Variants in PRKCB observed in about 807,000 individuals in gnomAD.
PRKCB encodes the protein protein kinase C beta, also known as protein kinase C beta type.
A neutral mutation model predicts 81.5 loss-of-function variants in PRKCB; 13 were observed. The ratio of observed to expected loss-of-function variants is 0.16; its 90% CI spans 0.10 to 0.25. The LOEUF (loss-of-function observed/expected upper bound fraction) is 0.25, where lower values mean the gene tolerates loss of function less well. PRKCB is among the 10% of genes least tolerant of loss of function. The pLI, the probability that PRKCB is intolerant of heterozygous loss-of-function variation, is 1.00. For missense variants in PRKCB, 509 were observed against 875.7 expected, an observed-to-expected ratio of 0.58 and a Z score of 5.29; for synonymous variants, 335 against 321.4, an observed-to-expected ratio of 1.04 and a Z score of -0.45.
intron 15 of PRKCB, 53 bp downstream of exon 15, chr16:24,185,620 G>A: frequency 6.9e-7 from 1 of 1,458,980 alleles, no homozygotes; most frequent in Non-Finnish European, 9.6e-7. Flanking sequence ...AGGCATGTGG[G>A]CTGTACCTTG....
At chr16:24,100,496 C>T (rs778417771) in intron 7 of PRKCB, among the ~76,000 whole-genome samples, 1 of 152,164 alleles carries the variant, frequency 6.6e-6, no homozygotes, top group Admixed American at 6.5e-5. Flanking sequence ...AGGCCAGGAA[C>T]CTGCCTGAGT....
At chr16:24,028,447 C>T (rs1411073598) in intron 3 of PRKCB, among the ~76,000 whole-genome samples, 1 of 152,222 alleles carries the variant, frequency 6.6e-6, no homozygotes, top group Non-Finnish European at 1.5e-5. Flanking sequence ...ATAGACCACT[C>T]CAATATCCAA....
In PRKCB at chr16:23,932,212, A is replaced by G. The variant is rs958313111; in HGVS notation, c.206-56296A>G. On this transcript the variant is annotated intron_variant, in intron 2 of 16. Coordinates refer to ENST00000643927, the MANE Select transcript of PRKCB (RefSeq NM_002738.7). Reference sequence around the variant, plus strand: ...CTCATTTGGAAATAAATTCAAACAAATCATCCATAAAGAAAACATTGTGAG... The same window carrying G: ...CTCATTTGGAAATAAATTCAAACAAGTCATCCATAAAGAAAACATTGTGAG... Among the ~76,000 whole-genome samples the G allele has an allele frequency of 5.3e-5, 8 of 152,354 alleles. 1 individual carries two copies. The South Asian group carries it at 1.7e-3, about 32-fold the overall frequency.
chr16:23,953,111 C>T (rs531017105), intron 2 of PRKCB, among the ~76,000 whole-genome samples: 65 of 152,248 alleles, frequency 4.3e-4, no homozygotes, highest in African/African-American at 1.5e-3. Flanking sequence ...CCCTGTTTTA[C>T]GGAGACACAG....
chr16:23,891,994 A>G (rs1367754530), intron 2 of PRKCB, among the ~76,000 whole-genome samples: 1 of 152,128 alleles, frequency 6.6e-6, no homozygotes, highest in Non-Finnish European at 1.5e-5. Flanking sequence ...CCCCCTGCCC[A>G]CACCCTCCTA....
chr16:24,080,669 G>A (rs1016340343), intron 5 of PRKCB, among the ~76,000 whole-genome samples: 3 of 152,112 alleles, frequency 2.0e-5, no homozygotes, highest in African/African-American at 7.2e-5. Context: ...TTAGGTAGAA[G>A]TAAAATCATA....
At chr16:23,908,425 C>T (rs762193041) in intron 2 of PRKCB, among the ~76,000 whole-genome samples, 8 of 152,116 alleles carry the variant, frequency 5.3e-5, no homozygotes, top group African/African-American at 1.7e-4. Context: ...ACCACCTGAG[C>T]GTCCTCCCCA....
intron 9 of PRKCB, among the ~76,000 whole-genome samples, chr16:24,135,555 C>T (rs1385879164): frequency 2.6e-5 from 4 of 152,016 alleles, no homozygotes; most frequent in Non-Finnish European, 5.9e-5. Context: ...TCAAGTGATC[C>T]GCCTGCCTCA....
intron 2 of PRKCB, among the ~76,000 whole-genome samples, chr16:23,970,946 C>G (rs1964546876): frequency 6.6e-6 from 1 of 152,184 alleles, no homozygotes. Context: ...GTGGTCAGGG[C>G]TTGACCAACC....
chr16:23,991,450 A>T (rs567744969), intron 3 of PRKCB, among the ~76,000 whole-genome samples: 26 of 152,308 alleles, frequency 1.7e-4, no homozygotes, highest in Admixed American at 4.6e-4. Flanking sequence ...TGCCCTACTC[A>T]GTATGCAGCT....
intron 10 of PRKCB, among the ~76,000 whole-genome samples, chr16:24,160,434 G>A (rs1271129184): frequency 1.3e-5 from 2 of 152,032 alleles, no homozygotes. Context: ...GCATGGCCTG[G>A]ATCTGCAGAG....
At chr16:24,186,637 C>A (rs1368744358) in intron 15 of PRKCB, among the ~76,000 whole-genome samples, 1 of 152,236 alleles carries the variant, frequency 6.6e-6, no homozygotes, top group East Asian at 1.9e-4. Flanking sequence ...TCATGCCCTA[C>A]TTTGTTCTTC....
rs188405962 is a variant in PRKCB at position 23,839,936 on chromosome 16, C to T, written c.205+2530C>T. On this transcript the variant is annotated intron_variant, in intron 2 of 16. Coordinates refer to ENST00000643927, the MANE Select transcript of PRKCB (RefSeq NM_002738.7). ...AGAGAAGACTGGCTCTGCAGGGTTG[C>T]TTTGCTATGGAACTGCCTGCCAGGT... Among the ~76,000 whole-genome samples the T allele has an allele frequency of 4.6e-3, 697 of 152,294 alleles. 1 individual carries two copies. Among genetic ancestry groups the T allele is most frequent in the Non-Finnish European group, 7.4e-3 (503 of 68,020 alleles).
At chr16:23,866,236 A>G (rs1046689449) in intron 2 of PRKCB, among the ~76,000 whole-genome samples, 3 of 152,182 alleles carry the variant, frequency 2.0e-5, no homozygotes, top group African/African-American at 7.2e-5. Flanking sequence ...CAGGGGAGGT[A>G]GAAACCTCAG....
chr16:23,938,808 T>G (rs573469621), intron 2 of PRKCB, among the ~76,000 whole-genome samples: 1 of 152,334 alleles, frequency 6.6e-6, no homozygotes, highest in South Asian at 2.1e-4. Context: ...ATACTTTCCT[T>G]AATGACCCTG....
At chr16:23,998,487 G>C (rs1261714917) in intron 3 of PRKCB, among the ~76,000 whole-genome samples, 1 of 152,180 alleles carries the variant, frequency 6.6e-6, no homozygotes, top group African/African-American at 2.4e-5. Context: ...TAGAGAAACG[G>C]TATTGTGTCC....
chr16:23,938,671 AC>A, intron 2 of PRKCB, among the ~76,000 whole-genome samples: 1 of 152,234 alleles, frequency 6.6e-6, no homozygotes, highest in Non-Finnish European at 1.5e-5. Context: ...TATTGGTTTT[AC>A]TTAATTTTTC....
chr16:23,836,463 TCTCCGGACTCCCGGCTCCGGA>T (rs1962160136), intron 1 of PRKCB, 115 bp downstream of exon 1: 4 of 1,420,458 alleles, frequency 2.8e-6, no homozygotes, highest in Admixed American at 2.6e-5. Context: ...GGACCCCGCG[TCTCCGGACTCCCGGCTCCGGA>T]CCCTGCTGCC....
chr16:23,890,516 C>T (rs911005558), intron 2 of PRKCB, among the ~76,000 whole-genome samples: 1 of 152,202 alleles, frequency 6.6e-6, no homozygotes, highest in Non-Finnish European at 1.5e-5. Flanking sequence ...ATGACCCTTG[C>T]CCCACTGAAG....
Sources: gnomAD v4.1 joint callset for allele counts (sites outside exome capture counted in the v4.1 genomes callset) on GRCh38, gnomAD v4.1.1 for gene constraint, MANE v1.5 for transcripts, NCBI Gene and HGNC (gene_info 2026-07-23, HGNC 2026-07-21) for gene names.